The following XIRP2 variants were observed in gnomAD, a reference collection of about 807,000 sequenced individuals.
XIRP2 encodes xin actin-binding repeat-containing protein 2.
In XIRP2, 236 loss-of-function variants were observed where a neutral mutation model predicts 277.0. That is an observed-to-expected ratio of 0.85 (90% CI 0.77 to 0.95). The LOEUF (loss-of-function observed/expected upper bound fraction) is 0.95. Among genes scored for constraint, XIRP2 ranks in the 40% least tolerant of loss-of-function variants. The pLI, the probability that XIRP2 is intolerant of heterozygous loss-of-function variation, is 0.00. For synonymous variants in XIRP2, 1,490 were observed against 1,416.5 expected (o/e 1.05, Z -1.17); for missense variants, 4,640 against 4,157.5 (o/e 1.12, Z -3.19).
intron 3 of XIRP2, among the ~76,000 whole-genome samples, chr2:167,202,796 C>T (rs1008723444): frequency 6.6e-6 from 1 of 152,166 alleles, no homozygotes; most frequent in Non-Finnish European, 1.5e-5. Context: ...TCTTACAGTT[C>T]TGGAAGTCTG....
At chr2:167,235,352 A>G (rs1694870198) in intron 5 of XIRP2, among the ~76,000 whole-genome samples, 1 of 151,942 alleles carries the variant, frequency 6.6e-6, no homozygotes, top group African/African-American at 2.4e-5. Context: ...CCAAAATGAC[A>G]ACAACAAAAA....
At chr2:167,055,536 T>C (rs982915111) in intron 2 of XIRP2, among the ~76,000 whole-genome samples, 1 of 152,210 alleles carries the variant, frequency 6.6e-6, no homozygotes, top group Non-Finnish European at 1.5e-5. Context: ...TCTTACTTGC[T>C]GGAGATTATC....
chr2:166,891,714 T>G (rs1574054615), intron 1 of XIRP2, among the ~76,000 whole-genome samples: 1 of 152,290 alleles, frequency 6.6e-6, no homozygotes, highest in East Asian at 1.9e-4. Context: ...TCTGATAATC[T>G]TTCTTAATCA....
chr2:166,944,507 G>T (rs1685801161), intron 2 of XIRP2, among the ~76,000 whole-genome samples: 1 of 152,160 alleles, frequency 6.6e-6, no homozygotes, highest in Non-Finnish European at 1.5e-5. Context: ...CCTCTTGGGA[G>T]AAATATTGGA....
At chr2:167,167,736 C>T (rs964286416) in intron 3 of XIRP2, among the ~76,000 whole-genome samples, 1 of 152,046 alleles carries the variant, frequency 6.6e-6, no homozygotes, top group Non-Finnish European at 1.5e-5. Flanking sequence ...TAATCAAATA[C>T]ATTATTGCTA....
rs1489469104 is a variant in XIRP2 at position 167,246,987 on chromosome 2, A to T, written c.5595A>T (p.Lys1865Asn). Residue 1865 changes from lysine to asparagine, a missense_variant, in exon 9 of 11, where the codon AAA becomes AAT. By Grantham distance (94) the Lys-to-Asn change is moderately conservative (BLOSUM62 0). Transcript: ENST00000409195. The stretch of plus-strand genomic sequence containing the variant: ...TGACGAAAACAGAAGAAATTATAAA[A>T]GGTAACATGCTAGCCACACTCAAGT... ...KTVTKTEEII[K>N]GNMLATLKSL... 6.2e-7 allele frequency: 1 copy of T among 1,613,734 alleles called. No homozygotes were observed.
chr2:167,162,296 G>C (rs529527094), intron 3 of XIRP2, among the ~76,000 whole-genome samples: 16 of 152,100 alleles, frequency 1.1e-4, no homozygotes, highest in Non-Finnish European at 2.1e-4. Flanking sequence ...CACTCTACTG[G>C]TACCAATTTG....
At chr2:166,901,125 G>C (rs991505042) in intron 1 of XIRP2, among the ~76,000 whole-genome samples, 5 of 152,090 alleles carry the variant, frequency 3.3e-5, no homozygotes, top group Non-Finnish European at 5.9e-5. Flanking sequence ...GAAGTGTCCT[G>C]TCTTTCTAGG....
At chr2:167,172,571 C>A (rs1424399655) in intron 3 of XIRP2, among the ~76,000 whole-genome samples, 4 of 152,154 alleles carry the variant, frequency 2.6e-5, no homozygotes, top group Non-Finnish European at 5.9e-5. Flanking sequence ...AGGCCTACCC[C>A]TAGGAACACA....
chr2:166,932,710 G>T (rs1685379722), intron 2 of XIRP2, among the ~76,000 whole-genome samples: 1 of 151,864 alleles, frequency 6.6e-6, no homozygotes, highest in African/African-American at 2.4e-5. Flanking sequence ...AACTTTTTGT[G>T]TGTCTGGTGT....
intron 3 of XIRP2, among the ~76,000 whole-genome samples, chr2:167,208,002 A>G (rs1180832146): frequency 1.3e-5 from 2 of 152,170 alleles, no homozygotes; most frequent in Non-Finnish European, 2.9e-5. Context: ...ATGTGAATAA[A>G]TGCATGCTTT....
intron 2 of XIRP2, among the ~76,000 whole-genome samples, chr2:167,068,628 A>C (rs1175282534): frequency 6.6e-6 from 1 of 150,546 alleles, no homozygotes; most frequent in Non-Finnish European, 1.5e-5. Flanking sequence ...CCTTTTTTAA[A>C]CTAACTTTTA....
At chr2:166,932,339 C>T (rs1005964492) in intron 2 of XIRP2, among the ~76,000 whole-genome samples, 2 of 151,878 alleles carry the variant, frequency 1.3e-5, no homozygotes, top group Non-Finnish European at 2.9e-5. Context: ...TCCTCAGTCC[C>T]CCAAGTAGCT....
intron 2 of XIRP2, among the ~76,000 whole-genome samples, chr2:167,125,398 G>A (rs1691172639): frequency 1.3e-5 from 2 of 152,134 alleles, no homozygotes; most frequent in South Asian, 2.1e-4. Flanking sequence ...ATAAATTACA[G>A]TAGGGAAACA....
chr2:167,005,217 T>A (rs1459966402), intron 2 of XIRP2, among the ~76,000 whole-genome samples: 1 of 151,884 alleles, frequency 6.6e-6, no homozygotes, highest in African/African-American at 2.4e-5. Context: ...TCACTTTCCA[T>A]CCTAAATACA....
In XIRP2 at chr2:166,901,540, G is replaced by C. The variant is rs150281629; in HGVS notation, c.-18-1925G>C. On this transcript the variant is annotated intron_variant, in intron 1 of 10. Coordinates refer to ENST00000409195, the MANE Select transcript of XIRP2 (RefSeq NM_152381.6). The stretch of plus-strand genomic sequence containing the variant: ...AACTTGCCAGTTTTTCTGCCTCTCA[G>C]CTTTCCCTTTCCAACTATGTGTGGT... Among the ~76,000 whole-genome samples the C allele has an allele frequency of 2.2e-4, 33 of 152,126 alleles. No individual in the cohort carries two copies. The East Asian group carries it at 6.4e-3, about 29-fold the overall frequency.
intron 1 of XIRP2, among the ~76,000 whole-genome samples, chr2:166,899,621 G>A (rs1017931374): frequency 6.6e-6 from 1 of 152,058 alleles, no homozygotes; most frequent in African/African-American, 2.4e-5. Context: ...GTTATTGAAA[G>A]ATCATTTTGT....
chr2:167,120,568 G>C (rs1691028335), intron 2 of XIRP2, among the ~76,000 whole-genome samples: 1 of 152,140 alleles, frequency 6.6e-6, no homozygotes, highest in Non-Finnish European at 1.5e-5. Context: ...AAGGAAAAGA[G>C]TTACAGGGAG....
At chr2:166,934,476 G>A (rs1685438290) in intron 2 of XIRP2, among the ~76,000 whole-genome samples, 1 of 152,184 alleles carries the variant, frequency 6.6e-6, no homozygotes, top group South Asian at 2.1e-4. Context: ...CACCCCAAGT[G>A]CAGCCTATTG....
Sources: allele counts gnomAD v4.1 joint callset (sites outside exome capture counted in the v4.1 genomes callset), GRCh38; gene constraint gnomAD v4.1.1; transcripts MANE v1.5; gene names NCBI Gene and HGNC (gene_info 2026-07-23, HGNC 2026-07-21).